LDLRAD4: variants seen among roughly 807,000 people sequenced by gnomAD.
LDLRAD4 encodes low density lipoprotein receptor class A domain containing 4.
A neutral mutation model predicts 17.0 loss-of-function variants in LDLRAD4; 5 were observed. The ratio of observed to expected loss-of-function variants is 0.29; its 90% CI spans 0.15 to 0.62. The LOEUF (loss-of-function observed/expected upper bound fraction) is 0.62, where lower values mean the gene tolerates loss of function less well. LDLRAD4 is among the 20% of genes least tolerant of loss of function. The pLI, the probability that LDLRAD4 is intolerant of heterozygous loss-of-function variation, is 0.84. For missense variants in LDLRAD4, 340 were observed against 424.7 expected (o/e 0.80, Z 1.75); for synonymous variants, 168 against 171.8 (o/e 0.98, Z 0.17).
At chr18:13,459,412 C>T (rs1015872852) in intron 3 of LDLRAD4, among the ~76,000 whole-genome samples, 3 of 150,360 alleles carry the variant, frequency 2.0e-5, no homozygotes, top group Non-Finnish European at 4.4e-5. Context: ...GAGATGGAGT[C>T]TTACTCTGTC....
rs1030527085 is a variant in LDLRAD4 at position 13,425,529 on chromosome 18, G to C, written c.41-12715G>C. ...CTGGGGCACTTCCTCCCTCCAGGAA[G>C]GTGGAGGAATATGACACGTCGGGGC... On this transcript the variant is annotated intron_variant, in intron 2 of 5. Transcript: ENST00000359446. 2.0e-5 allele frequency among the ~76,000 whole-genome samples: 3 copies of C among 152,210 alleles called. 1 individual carries two copies. The East Asian group carries it at 5.8e-4, about 29-fold the overall frequency.
rs143619956 is a variant in LDLRAD4, at chr18:13,282,578, G to A, written c.-383+4390G>A. Among the ~76,000 whole-genome samples the A allele has an allele frequency of 7.2e-3, 1,096 of 152,320 alleles. 7 individuals carry two copies. Among genetic ancestry groups the A allele is most frequent in the Non-Finnish European group, 0.012 (806 of 68,028 alleles). On this transcript the variant is annotated intron_variant, in intron 1 of 5. Transcript: ENST00000359446. ...CTTTGATCCCAGGTCTCACATCCGC[G>A]TCACACTGATGTAAGAGGTGGCTTC...
intron 2 of LDLRAD4, among the ~76,000 whole-genome samples, chr18:13,423,145 C>A (rs2089634670): frequency 6.6e-6 from 1 of 152,174 alleles, no homozygotes; most frequent in African/African-American, 2.4e-5. Context: ...AAACTCTGAA[C>A]ATTTTTGGCC....
At chr18:13,624,038 C>T (rs935799651) in intron 4 of LDLRAD4, among the ~76,000 whole-genome samples, 22 of 152,190 alleles carry the variant, frequency 1.4e-4, no homozygotes, top group African/African-American at 5.1e-4. Flanking sequence ...TCCTACAGTA[C>T]GCGGGCGGCC....
At chr18:13,633,771 T>C (rs1391459712) in intron 4 of LDLRAD4, among the ~76,000 whole-genome samples, 2 of 152,194 alleles carry the variant, frequency 1.3e-5, no homozygotes, top group African/African-American at 4.8e-5. Context: ...GCTAGGACCC[T>C]GAGAGCACAG....
chr18:13,621,146 A>G lies in LDLRAD4; in HGVS notation c.211A>G (p.Ile71Val), dbSNP rs1264139988. 1 of 1,613,898 alleles carries G rather than the reference A, an allele frequency of 6.2e-7. No homozygotes were observed. The highest frequency in any genetic ancestry group is 8.5e-7 in the Non-Finnish European group (1 of 1,180,002). ...GCTGGAGTTCGCCCAAATCATCATC[A>G]TCGTCGTGGTGGTCACGGTGATGGT... The change falls in exon 4 of 6, where the codon ATC (isoleucine) becomes GTC (valine). Residue 71 changes from isoleucine (I) to valine (V), a missense_variant. Coordinates refer to ENST00000359446, the Ensembl canonical transcript of LDLRAD4. The surrounding 1 kb of genome is among the most constrained non-coding windows in gnomAD (Gnocchi z 5.5).
chr18:13,375,870 A>G (rs2144964920), intron 1 of LDLRAD4, among the ~76,000 whole-genome samples: 1 of 152,184 alleles, frequency 6.6e-6, no homozygotes, highest in Non-Finnish European at 1.5e-5. Flanking sequence ...CCACCGGCGT[A>G]TGTGTGTTTC....
intron 1 of LDLRAD4, chr18:13,280,142 T>G (rs2045166875): frequency 6.6e-6 from 1 of 152,270 alleles, no homozygotes; most frequent in Non-Finnish European, 1.5e-5. Context: ...TCCCCGTGTT[T>G]AGGTTGTTAT....
chr18:13,351,629 C>G (rs530613833), intron 1 of LDLRAD4, among the ~76,000 whole-genome samples: 3 of 152,196 alleles, frequency 2.0e-5, no homozygotes, highest in African/African-American at 7.2e-5. Context: ...TAATAGCCTA[C>G]CAACCGAAAA....
At chr18:13,500,166 T>C (rs563997828) in intron 3 of LDLRAD4, among the ~76,000 whole-genome samples, 2 of 152,306 alleles carry the variant, frequency 1.3e-5, no homozygotes, top group South Asian at 4.1e-4. Flanking sequence ...TAAAAATATA[T>C]ATATTTTGCT....
intron 3 of LDLRAD4, among the ~76,000 whole-genome samples, chr18:13,473,673 ATATAT>A (rs1568214034): frequency 0.012 from 1,342 of 113,718 alleles, 75 homozygotes; most frequent in African/African-American, 0.03. Context: ...ATATATATAT[ATATAT>A]AACGTTTACA....
At chr18:13,233,793 G>A (rs1399447584) in intron 1 of LDLRAD4, among the ~76,000 whole-genome samples, 1 of 151,934 alleles carries the variant, frequency 6.6e-6, no homozygotes, top group Non-Finnish European at 1.5e-5. Flanking sequence ...CAAACCCTAG[G>A]CTCCTACACC....
At chr18:13,404,216 G>A (rs1165660918) in intron 2 of LDLRAD4, among the ~76,000 whole-genome samples, 1 of 152,218 alleles carries the variant, frequency 6.6e-6, no homozygotes, top group Non-Finnish European at 1.5e-5. Context: ...GGTGTGTCGG[G>A]GGTGCCGTGG....
chr18:13,587,302 TC>T (rs1436165881), intron 3 of LDLRAD4, among the ~76,000 whole-genome samples: 1 of 152,154 alleles, frequency 6.6e-6, no homozygotes, highest in Non-Finnish European at 1.5e-5. Context: ...ATTCCAGAAC[TC>T]TCTCCATGTT....
intron 1 of LDLRAD4, among the ~76,000 whole-genome samples, chr18:13,372,066 T>C (rs1441080230): frequency 6.6e-6 from 1 of 152,192 alleles, no homozygotes; most frequent in African/African-American, 2.4e-5. Context: ...CAGTTTTAAT[T>C]CCTGAATGCC....
At chr18:13,570,476 G>T (rs1457030721) in intron 3 of LDLRAD4, among the ~76,000 whole-genome samples, 1 of 152,204 alleles carries the variant, frequency 6.6e-6, no homozygotes, top group Non-Finnish European at 1.5e-5. Context: ...GGCGCCTCCT[G>T]CCCATTCCAC....
At chr18:13,220,652 C>T (rs930509084) in intron 1 of LDLRAD4, among the ~76,000 whole-genome samples, 10 of 152,238 alleles carry the variant, frequency 6.6e-5, no homozygotes, top group Non-Finnish European at 1.2e-4. Context: ...GCCTGGCACG[C>T]GGAGAGCAAG....
chr18:13,549,838 T>C (rs762358871), intron 3 of LDLRAD4, among the ~76,000 whole-genome samples: 31 of 152,216 alleles, frequency 2.0e-4, no homozygotes, highest in Admixed American at 3.9e-4. Context: ...AGCAGACAGG[T>C]CAAGAAGGCA....
In LDLRAD4 at chr18:13,454,065, G is replaced by A. The variant is rs192951222; in HGVS notation, c.181+15681G>A. On this transcript the variant is annotated intron_variant, in intron 3 of 5. Coordinates refer to ENST00000359446, the Ensembl canonical transcript of LDLRAD4. ...TCTCATGGTGGTTTTGTTTATTGCCGGGGTGTTCTCCAAAAGGGGCATCCT... is the reference window on the plus strand; with the variant it reads ...TCTCATGGTGGTTTTGTTTATTGCCAGGGTGTTCTCCAAAAGGGGCATCCT... Among the ~76,000 whole-genome samples, 1,068 of 152,362 alleles carry A rather than the reference G, an allele frequency of 7.0e-3. 6 individuals are homozygous for A. The highest frequency in any genetic ancestry group is 0.01 in the Middle Eastern group (3 of 294).
Sources: gnomAD v4.1 joint callset for allele counts (sites outside exome capture counted in the v4.1 genomes callset) on GRCh38, gnomAD v4.1.1 for gene constraint, Gnocchi (gnomAD v3.1) non-coding constraint, MANE v1.5 for transcripts, NCBI Gene and HGNC (gene_info 2026-07-23, HGNC 2026-07-21) for gene names.